The following PLCB1 variants were observed in gnomAD, a reference collection of about 807,000 sequenced individuals.
PLCB1 encodes the protein phospholipase C beta 1.
Under a neutral mutation model 161.8 loss-of-function variants are expected in PLCB1, and 46 were observed. That is an observed-to-expected ratio of 0.28 (90% confidence interval 0.22 to 0.36). The LOEUF (loss-of-function observed/expected upper bound fraction) is 0.36, where lower values mean the gene tolerates loss of function less well. Among genes scored for constraint, PLCB1 ranks in the 10% least tolerant of loss-of-function variants. PLCB1 has a pLI of 1.00. For missense variants in PLCB1, 1,016 were observed against 1,472.5 expected, an observed-to-expected ratio of 0.69 and a Z score of 5.07; for synonymous variants, 517 against 503.7, an observed-to-expected ratio of 1.03 and a Z score of -0.35.
At chr20:8,588,022 A>C (rs1390218906) in intron 3 of PLCB1, among the ~76,000 whole-genome samples, 2 of 152,230 alleles carry the variant, frequency 1.3e-5, no homozygotes, top group Non-Finnish European at 2.9e-5. Flanking sequence ...ACGTGTATCG[A>C]AACTGTCACT....
At chr20:8,339,394 G>A (rs1985715802) in intron 2 of PLCB1, among the ~76,000 whole-genome samples, 1 of 152,156 alleles carries the variant, frequency 6.6e-6, no homozygotes, top group South Asian at 2.1e-4. Flanking sequence ...GGGACAGGAG[G>A]CAATGGAATT....
chr20:8,338,054 C>G (rs6039145), intron 2 of PLCB1, among the ~76,000 whole-genome samples: 1 of 152,058 alleles, frequency 6.6e-6, no homozygotes, highest in Non-Finnish European at 1.5e-5. Flanking sequence ...TCTCAGGAAG[C>G]CAGAGACGTC....
Position 8,511,310 on chromosome 20 carries a change from C to CT in PLCB1, c.247-116976dup, listed in dbSNP as rs1231062231. Among the ~76,000 whole-genome samples, 9 of 151,986 alleles carry CT rather than the reference C, an allele frequency of 5.9e-5. No individual in the cohort carries two copies. The South Asian group carries it at 1.7e-3, about 28-fold the overall frequency. The stretch of plus-strand genomic sequence containing the variant: ...TTGTTGCAAATGACAGAATTTGCTT[C>CT]TTTTTTTTAAGGCTGAACAGTGTAT... On this transcript the variant is annotated intron_variant, in intron 3 of 31. Transcript: ENST00000338037.
intron 3 of PLCB1, among the ~76,000 whole-genome samples, chr20:8,385,729 C>T (rs1251854656): frequency 6.6e-6 from 1 of 152,240 alleles, no homozygotes; most frequent in Non-Finnish European, 1.5e-5. Flanking sequence ...GTAGCACGCT[C>T]ACTCGCTGCC....
At chr20:8,589,610 C>CTTTTTTTTT (rs71183102) in intron 3 of PLCB1, among the ~76,000 whole-genome samples, 10 of 80,126 alleles carry the variant, frequency 1.2e-4, no homozygotes, top group African/African-American at 4.6e-4. Context: ...CAATCTCTCT[C>CTTTTTTTTT]TTTTTTTTTT....
intron 2 of PLCB1, among the ~76,000 whole-genome samples, chr20:8,192,029 A>G (rs1415789016): frequency 1.3e-5 from 2 of 152,068 alleles, no homozygotes; most frequent in Non-Finnish European, 2.9e-5. Flanking sequence ...AAATATAGTT[A>G]GGATACAATA....
intron 3 of PLCB1, among the ~76,000 whole-genome samples, chr20:8,417,727 C>T (rs1295959996): frequency 2.6e-5 from 4 of 152,116 alleles, no homozygotes; most frequent in Non-Finnish European, 4.4e-5. Flanking sequence ...CAATGGACTC[C>T]CATGTACTTT....
chr20:8,214,554 C>G (rs1372877042), intron 2 of PLCB1, among the ~76,000 whole-genome samples: 1 of 152,116 alleles, frequency 6.6e-6, no homozygotes, highest in Non-Finnish European at 1.5e-5. Flanking sequence ...ATAAATTACC[C>G]TGTCTCAGGT....
chr20:8,696,061 T>A (rs1406020735), intron 10 of PLCB1, among the ~76,000 whole-genome samples: 1 of 152,218 alleles, frequency 6.6e-6, no homozygotes, highest in Non-Finnish European at 1.5e-5. Context: ...TGGTGTTGTA[T>A]CTACAAAACC....
At chr20:8,181,012 A>G (rs568700424) in intron 2 of PLCB1, among the ~76,000 whole-genome samples, 1 of 151,862 alleles carries the variant, frequency 6.6e-6, no homozygotes, top group African/African-American at 2.4e-5. Flanking sequence ...TATGATTGGG[A>G]GGCCGAGAGA....
At chr20:8,235,806 T>C (rs972149683) in intron 2 of PLCB1, among the ~76,000 whole-genome samples, 5 of 152,112 alleles carry the variant, frequency 3.3e-5, no homozygotes, top group African/African-American at 1.2e-4. Flanking sequence ...GAAAGTTTTT[T>C]ATGTCCAGTA....
At chr20:8,828,416 C>A (rs1216005121) in intron 31 of PLCB1, among the ~76,000 whole-genome samples, 4 of 152,126 alleles carry the variant, frequency 2.6e-5, no homozygotes, top group African/African-American at 9.7e-5. Flanking sequence ...TTTTTTTAAA[C>A]ATTCTCTTAG....
intron 9 of PLCB1, among the ~76,000 whole-genome samples, chr20:8,665,750 A>G (rs1314416765): frequency 6.6e-6 from 1 of 152,204 alleles, no homozygotes; most frequent in Non-Finnish European, 1.5e-5. Flanking sequence ...GGTAGAAGTT[A>G]TAAAAACTAA....
At chr20:8,172,838 A>G (rs73895558) in intron 2 of PLCB1, among the ~76,000 whole-genome samples, 1,792 of 152,312 alleles carry the variant, frequency 0.012, 39 homozygotes, top group African/African-American at 0.039. Flanking sequence ...GGACCAGAGA[A>G]GCAGCATGGG....
chr20:8,781,417 AACACACACACAC>A (rs745610188), intron 27 of PLCB1, among the ~76,000 whole-genome samples: 5 of 28,074 alleles, frequency 1.8e-4, no homozygotes, highest in East Asian at 4.1e-3. Flanking sequence ...CACACACACA[AACACACACACAC>A]ACACACACAC....
intron 31 of PLCB1, among the ~76,000 whole-genome samples, chr20:8,864,585 A>G (rs968666821): frequency 6.6e-5 from 10 of 152,202 alleles, no homozygotes; most frequent in African/African-American, 2.4e-4. Flanking sequence ...AGAGGAGGCC[A>G]CAAAAAGCGA....
chr20:8,145,084 C>T (rs1440596606), intron 1 of PLCB1, among the ~76,000 whole-genome samples: 1 of 152,080 alleles, frequency 6.6e-6, no homozygotes, highest in African/African-American at 2.4e-5. Context: ...GGACCATAGC[C>T]TGGGTGGATT....
At chr20:8,259,313 G>A (rs189245247) in intron 2 of PLCB1, among the ~76,000 whole-genome samples, 1,789 of 152,204 alleles carry the variant, frequency 0.012, 17 homozygotes, top group Non-Finnish European at 0.018. Flanking sequence ...TGAATCCAAA[G>A]GTGTTACTCT....
At chr20:8,710,756 C>T (rs545103425) in intron 12 of PLCB1, among the ~76,000 whole-genome samples, 6 of 151,986 alleles carry the variant, frequency 3.9e-5, no homozygotes, top group East Asian at 1.9e-4. Flanking sequence ...TCAGGTGATC[C>T]GCCCACCTCG....
Sources: gnomAD v4.1 joint callset for allele counts (sites outside exome capture counted in the v4.1 genomes callset) on GRCh38, gnomAD v4.1.1 for gene constraint, MANE v1.5 for transcripts, NCBI Gene and HGNC (gene_info 2026-07-23, HGNC 2026-07-21) for gene names.